Variants in CPED1 observed in about 807,000 individuals in gnomAD.
CPED1 encodes cadherin-like and PC-esterase domain-containing protein 1.
Under a neutral mutation model 128.2 loss-of-function variants are expected in CPED1, and 114 were observed. The ratio of observed to expected loss-of-function variants is 0.89; its 90% CI spans 0.76 to 1.04. The LOEUF (loss-of-function observed/expected upper bound fraction) is 1.04, where lower values mean the gene tolerates loss of function less well. Among genes scored for constraint, CPED1 ranks in the 50% least tolerant of loss-of-function variants. The pLI is 0.00. For synonymous variants in CPED1, 462 were observed against 426.7 expected, an observed-to-expected ratio of 1.08 and a Z score of -1.02; for missense variants, 1,211 against 1,207.1, an observed-to-expected ratio of 1.00 and a Z score of -0.05.
At chr7:121,050,922 A>T (rs1015175395) in intron 4 of CPED1, 2 of 488,286 alleles carry the variant, frequency 4.1e-6, no homozygotes, top group Non-Finnish European at 8.4e-6. Flanking sequence ...CCCAAGAAGA[A>T]GGTCATGAAG....
chr7:121,141,122 G>T lies in CPED1; in HGVS notation c.1886+109G>T. 5.0e-6 allele frequency: 4 copies of T among 797,350 alleles called. No homozygotes were observed. The East Asian group carries it at 1.2e-4, about 25-fold the overall frequency. The allele number at this position is 797,350 out of a possible 1,614,324, so 49.4% of individuals were successfully genotyped here. On this transcript the variant is annotated intron_variant, in intron 15 of 22. Transcript: ENST00000310396. ...AGCTGATTCATAAGATCAGTTGAAA[G>T]ATTGCCAGGATGTGAACTTTCCCCT...
intron 16 of CPED1, among the ~76,000 whole-genome samples, chr7:121,166,231 C>T (rs1050282826): frequency 4.6e-5 from 7 of 152,040 alleles, no homozygotes; most frequent in African/African-American, 1.7e-4. Flanking sequence ...AATCTATGTG[C>T]TAGCTTTATC....
chr7:121,004,242 G>T (rs994284446), intron 2 of CPED1, among the ~76,000 whole-genome samples: 1 of 152,210 alleles, frequency 6.6e-6, no homozygotes, highest in Non-Finnish European at 1.5e-5. Flanking sequence ...ATGCCAAGGG[G>T]AGAAGGCAGG....
chr7:121,242,495 A>G (rs907229361), intron 17 of CPED1, among the ~76,000 whole-genome samples: 6 of 152,220 alleles, frequency 3.9e-5, no homozygotes, highest in Admixed American at 1.3e-4. Flanking sequence ...CTAACACTTC[A>G]ACAGAGTATA....
intron 3 of CPED1, among the ~76,000 whole-genome samples, chr7:121,018,068 C>T (rs1375892661): frequency 6.6e-6 from 1 of 152,052 alleles, no homozygotes; most frequent in Non-Finnish European, 1.5e-5. Context: ...GAGTATGGAA[C>T]ATTGATTTTT....
intron 15 of CPED1, 50 bp from the exon 16 acceptor site, chr7:121,141,923 A>G: frequency 2.7e-6 from 4 of 1,500,796 alleles, no homozygotes; most frequent in Non-Finnish European, 2.8e-6. Flanking sequence ...TTTGGGCTGA[A>G]TAAATCTCCC....
At chr7:121,064,186 C>CTTTA in intron 4 of CPED1, 52 bp from the exon 5 acceptor site, 1 of 1,278,704 alleles carries the variant, frequency 7.8e-7, no homozygotes, top group Non-Finnish European at 1.1e-6. Context: ...CTTGGTTTTG[C>CTTTA]TTTAGCGTTG....
At chr7:121,191,200 G>A (rs1447962105) in intron 16 of CPED1, among the ~76,000 whole-genome samples, 3 of 152,158 alleles carry the variant, frequency 2.0e-5, no homozygotes, top group South Asian at 2.1e-4. Context: ...AATATAAACC[G>A]CAATCCAAAC....
At chr7:121,114,488 A>G (rs1795188673) in intron 7 of CPED1, among the ~76,000 whole-genome samples, 1 of 152,270 alleles carries the variant, frequency 6.6e-6, no homozygotes, top group Non-Finnish European at 1.5e-5. Flanking sequence ...CAGGCTGAAT[A>G]TTTATAACAT....
In CPED1 at chr7:121,087,665, C is replaced by CTTTTTTTTTTTTTTTTTTTTTTTTTTTT. The variant is rs72453872; in HGVS notation, c.617-10033_617-10032insTTTTTTTTTTTTTTTTTTTTTTTTTTTT. 2.3e-5 allele frequency among the ~76,000 whole-genome samples: 3 copies of CTTTTTTTTTTTTTTTTTTTTTTTTTTTT among 131,556 alleles called. 1 individual carries two copies. The highest frequency in any genetic ancestry group is 9.4e-5 in the African/African-American group (3 of 31,764). 86.3% of individuals were successfully genotyped at this position (131,556 alleles called of 152,430 possible). ...GGATTCTTTCTTTTTCTTTTCTTTC[C>CTTTTTTTTTTTTTTTTTTTTTTTTTTTT]TGTTTTTTTTTTTTTGGCAGAGTCT... On this transcript the variant is annotated intron_variant, in intron 5 of 22. Transcript: ENST00000310396.
chr7:121,218,132 C>T (rs937154589), intron 16 of CPED1, among the ~76,000 whole-genome samples: 11 of 151,174 alleles, frequency 7.3e-5, no homozygotes, highest in African/African-American at 2.2e-4. Flanking sequence ...TTACAGGCAC[C>T]CTCCACCATG....
intron 16 of CPED1, among the ~76,000 whole-genome samples, chr7:121,208,798 G>A (rs1797577668): frequency 1.3e-5 from 2 of 151,836 alleles, no homozygotes; most frequent in Non-Finnish European, 2.9e-5. Context: ...TACAACAAGG[G>A]GCAGCATCTG....
chr7:121,100,036 T>C lies in CPED1; in HGVS notation c.860T>C (p.Phe287Ser). The C allele has an allele frequency of 6.2e-7, 1 of 1,613,272 alleles. No homozygotes were observed. The highest frequency in any genetic ancestry group is 1.1e-5 in the South Asian group (1 of 91,020). Residue 287 changes from phenylalanine (F) to serine (S), a missense_variant, in exon 7 of 23, where the codon TTC becomes TCC. By Grantham distance (155) the Phe-to-Ser change is radical. Coordinates refer to ENST00000310396, the MANE Select transcript of CPED1 (RefSeq NM_024913.5). ...ACGTCCTTAACCCCTTTGCGTGCAT[T>C]CATTCATTCGACGGGCACAGTTTGG... ...LVTSLTPLRA[F>S]IHSTGTVWNP...
At chr7:121,092,662 G>C (rs10225498) in intron 5 of CPED1, among the ~76,000 whole-genome samples, 3,035 of 152,240 alleles carry the variant, frequency 0.02, 99 homozygotes, top group African/African-American at 0.069. Context: ...GAGGTGAAAG[G>C]GTGGTTGATG....
intron 3 of CPED1, among the ~76,000 whole-genome samples, chr7:121,033,554 C>A (rs1019531118): frequency 2.0e-5 from 3 of 152,190 alleles, no homozygotes; most frequent in African/African-American, 4.8e-5. Context: ...TGAGTGTTAT[C>A]ATTCCTGGGA....
chr7:121,047,847 C>T (rs1351545338), intron 4 of CPED1, among the ~76,000 whole-genome samples: 1 of 151,322 alleles, frequency 6.6e-6, no homozygotes, highest in African/African-American at 2.4e-5. Flanking sequence ...TGGTAGCGGG[C>T]GCCCGTAGTC....
rs1263985861 is a variant in CPED1, at chr7:121,133,748, A to G, written c.1578-75A>G. On this transcript the variant is annotated intron_variant, in intron 12 of 22. Coordinates refer to ENST00000310396, the MANE Select transcript of CPED1 (RefSeq NM_024913.5). Reference sequence around the variant, plus strand: ...TAACTGTGCCCATACAGAAGAAAAGATAGTGTGTTAGATGTAATTTCCACG... The same window carrying G: ...TAACTGTGCCCATACAGAAGAAAAGGTAGTGTGTTAGATGTAATTTCCACG... 7 of 964,856 alleles carry G rather than the reference A, an allele frequency of 7.3e-6. No homozygotes were observed. The Admixed American group carries it at 1.4e-4, about 19-fold the overall frequency. The allele number at this position is 964,856 out of a possible 1,614,324, so 59.8% of individuals were successfully genotyped here.
rs1584571409 is a variant in CPED1 at position 121,176,711 on chromosome 7, C to T, written c.2055+34570C>T. Among the ~76,000 whole-genome samples the T allele has an allele frequency of 1.3e-5, 2 of 152,142 alleles. 1 individual carries two copies. Among genetic ancestry groups the T allele is most frequent in the Non-Finnish European group, 2.9e-5 (2 of 67,942 alleles). On this transcript the variant is annotated intron_variant, in intron 16 of 22. Coordinates refer to ENST00000310396, the MANE Select transcript of CPED1 (RefSeq NM_024913.5). ...ATAACAGCAATTATATCTTGCCAAA[C>T]AGATTTGGTTTAGAAAGAAAATTGC...
At position 121,140,920 on chromosome 7, in the gene CPED1, G is replaced by C; in HGVS notation, c.1793G>C (p.Cys598Ser). The change falls in exon 15 of 23, where the codon TGT becomes TCT. Residue 598 changes from cysteine to serine, a missense_variant. By Grantham distance (112) the Cys-to-Ser change is moderately radical. Coordinates refer to ENST00000310396, the MANE Select transcript of CPED1 (RefSeq NM_024913.5). The part of the protein sequence containing the change: ...DFHPKIKDYY[C>S]EVPFDVVTVT... ...CATCCAAAGATCAAAGATTATTACT[G>C]TGAAGTCCCATTTGATGTGGTAACA... is the stretch of plus-strand genomic sequence containing the variant. 3 of 1,612,378 alleles carry C rather than the reference G, an allele frequency of 1.9e-6. No individual in the cohort carries two copies. The highest frequency in any genetic ancestry group is 2.5e-6 in the Non-Finnish European group (3 of 1,179,006).
Sources: gnomAD v4.1 joint callset for allele counts (sites outside exome capture counted in the v4.1 genomes callset) on GRCh38, gnomAD v4.1.1 for gene constraint, MANE v1.5 for transcripts, NCBI Gene and HGNC (gene_info 2026-07-23, HGNC 2026-07-21) for gene names.